NYAP2: variants seen among roughly 807,000 people sequenced by gnomAD.
The protein encoded by NYAP2 is neuronal tyrosine-phosphorylated phosphoinositide-3-kinase adaptor 2.
In NYAP2, 23 loss-of-function variants were observed where a neutral mutation model predicts 50.4. The observed-to-expected ratio is 0.46, with a 90% CI of 0.33 to 0.65. NYAP2 has a LOEUF of 0.65. NYAP2 is among the 30% of genes least tolerant of loss of function. The probability of loss-of-function intolerance (pLI) is 0.02; values close to 1 mark genes in which losing one functional copy is unlikely to be tolerated. For synonymous variants in NYAP2, 394 were observed against 365.2 expected, an observed-to-expected ratio of 1.08 and a Z score of -0.90; for missense variants, 885 against 861.0, an observed-to-expected ratio of 1.03 and a Z score of -0.35.
intron 4 of NYAP2, among the ~76,000 whole-genome samples, chr2:225,545,440 T>C (rs989508583): frequency 6.6e-6 from 1 of 152,072 alleles, no homozygotes; most frequent in Non-Finnish European, 1.5e-5. Flanking sequence ...AGCTCACTAA[T>C]TCTTCTGCTT....
At chr2:225,672,474 C>T in the NYAP2 span, among the ~76,000 whole-genome samples, 1 of 152,226 alleles carries the variant, frequency 6.6e-6, no homozygotes, top group Admixed American at 6.5e-5. Flanking sequence ...ATCTTCTACC[C>T]ACACCACTAA....
chr2:225,437,831 T>C (rs148432978), intron 3 of NYAP2, among the ~76,000 whole-genome samples: 263 of 152,328 alleles, frequency 1.7e-3, no homozygotes, highest in African/African-American at 5.9e-3. Flanking sequence ...CCCATCTGAC[T>C]CCATAGTTCA....
At chr2:225,417,053 T>A (rs1216128455) in intron 3 of NYAP2, among the ~76,000 whole-genome samples, 1 of 152,182 alleles carries the variant, frequency 6.6e-6, no homozygotes, top group Non-Finnish European at 1.5e-5. Context: ...TGAGGTCTAT[T>A]TTTTATATTC....
chr2:225,527,311 C>T (rs145878586), intron 4 of NYAP2, among the ~76,000 whole-genome samples: 8 of 152,190 alleles, frequency 5.3e-5, no homozygotes, highest in South Asian at 4.2e-4. Flanking sequence ...TGCTGTGTAA[C>T]GAACTACCAC....
intron 3 of NYAP2, among the ~76,000 whole-genome samples, chr2:225,420,760 G>T (rs1228025322): frequency 1.3e-5 from 2 of 150,358 alleles, no homozygotes; most frequent in East Asian, 4.0e-4. Context: ...ACATATGTTT[G>T]CCACCATACC....
At chr2:225,419,465 C>A (rs1054767439) in intron 3 of NYAP2, among the ~76,000 whole-genome samples, 1 of 152,146 alleles carries the variant, frequency 6.6e-6, no homozygotes, top group African/African-American at 2.4e-5. Flanking sequence ...TGAAACGGAA[C>A]ATAGTAGTGG....
At chr2:225,458,372 A>G (rs1689772560) in intron 3 of NYAP2, among the ~76,000 whole-genome samples, 1 of 152,192 alleles carries the variant, frequency 6.6e-6, no homozygotes, top group African/African-American at 2.4e-5. Context: ...TTTAGTTTTA[A>G]TATTTCAAAA....
At chr2:225,523,139 T>C (rs1691096274) in intron 4 of NYAP2, among the ~76,000 whole-genome samples, 1 of 152,090 alleles carries the variant, frequency 6.6e-6, no homozygotes, top group African/African-American at 2.4e-5. Context: ...TGATTTTGCT[T>C]TCTCAGTTCC....
chr2:225,620,479 GCACGCACGCACACA>G lies in NYAP2; in HGVS notation c.1619-6420_1619-6407del, dbSNP rs1419600926. Reference sequence around the variant, plus strand: ...CACACACGCGCATGCACACGCACACGCACGCACGCACACACACGCACGCACACACACATGAAAAA... The same window carrying G: ...CACACACGCGCATGCACACGCACACGCACGCACGCACACACACATGAAAAA... On this transcript the variant is annotated intron_variant, in intron 5 of 6. Coordinates refer to ENST00000636099, the Ensembl canonical transcript of NYAP2. Among the ~76,000 whole-genome samples the G allele has an allele frequency of 2.8e-4, 40 of 144,138 alleles. No homozygotes were observed. The Middle Eastern group carries it at 0.011, about 40-fold the overall frequency. The allele number at this position is 144,138 out of a possible 152,430, so 94.6% of individuals were successfully genotyped here.
chr2:225,462,211 T>A (rs1189890872), intron 3 of NYAP2, among the ~76,000 whole-genome samples: 1 of 152,198 alleles, frequency 6.6e-6, no homozygotes, highest in Non-Finnish European at 1.5e-5. Context: ...CTGTAAATAT[T>A]TCTAAATCAA....
At position 225,525,889 on chromosome 2, in the gene NYAP2, T is replaced by C. The variant is rs571073846; in HGVS notation, c.523+12217T>C. 2.0e-5 allele frequency among the ~76,000 whole-genome samples: 3 copies of C among 152,324 alleles called. No individual in the cohort carries two copies. In the East Asian group the frequency reaches 5.8e-4, roughly 29 times the overall value. Reference sequence around the variant, plus strand: ...TGCTGTACTACTTCTGTATCATCTTTGGACCTGAGGCACAGTTGCTGGCTT... The same window carrying C: ...TGCTGTACTACTTCTGTATCATCTTCGGACCTGAGGCACAGTTGCTGGCTT... On this transcript the variant is annotated intron_variant, in intron 4 of 6. Transcript: ENST00000636099.
chr2:225,581,912 C>T (rs1342056821), intron 4 of NYAP2, 29 bp from the exon 5 acceptor site: 2 of 1,571,954 alleles, frequency 1.3e-6, no homozygotes, highest in Admixed American at 1.8e-5. Context: ...TTATACTCAT[C>T]TATTCCACTA....
chr2:225,507,291 T>C (rs1690724014), intron 3 of NYAP2, among the ~76,000 whole-genome samples: 1 of 152,172 alleles, frequency 6.6e-6, no homozygotes, highest in South Asian at 2.1e-4. Flanking sequence ...AACACCCCTG[T>C]CACTTTTGAA....
At chr2:225,657,182 C>T (rs532023820), downstream of NYAP2, among the ~76,000 whole-genome samples, 82 of 143,414 alleles carry the variant, frequency 5.7e-4, no homozygotes, top group African/African-American at 2.1e-3. Flanking sequence ...GCGATCTCAG[C>T]TTATTGCAAC....
chr2:225,526,711 G>C (rs1256621679), intron 4 of NYAP2, among the ~76,000 whole-genome samples: 1 of 152,166 alleles, frequency 6.6e-6, no homozygotes, highest in Non-Finnish European at 1.5e-5. Context: ...CCCCCTAGAA[G>C]TGCTCAAAAC....
At chr2:225,505,456 A>G (rs981694221) in intron 3 of NYAP2, among the ~76,000 whole-genome samples, 5 of 152,198 alleles carry the variant, frequency 3.3e-5, no homozygotes, top group African/African-American at 1.2e-4. Context: ...AATTTTACTG[A>G]AGCCAAGTTT....
In NYAP2 at chr2:225,492,578, A is replaced by G. The variant is rs568752367; in HGVS notation, c.222-20793A>G. Reference sequence around the variant, plus strand: ...TCTGTTCTTTCATTGATAGAGAAATACTGAAGTTGGGTAATTTATAAAGAA... The same window carrying G: ...TCTGTTCTTTCATTGATAGAGAAATGCTGAAGTTGGGTAATTTATAAAGAA... On this transcript the variant is annotated intron_variant, in intron 3 of 6. Coordinates refer to ENST00000636099, the Ensembl canonical transcript of NYAP2. Among the ~76,000 whole-genome samples the G allele has an allele frequency of 2.0e-5, 3 of 152,358 alleles. No individual in the cohort carries two copies. The East Asian group carries it at 5.8e-4, about 29-fold the overall frequency.
chr2:225,463,926 A>T lies in NYAP2; in HGVS notation c.222-49445A>T, dbSNP rs1689875365. On this transcript the variant is annotated intron_variant, in intron 3 of 6. Transcript: ENST00000636099. ...CCCTCTGGAGCTACAGAAGTGTGGG[A>T]TCCTTAGAGCAGTTGTAGAGATTAC... 2.0e-5 allele frequency among the ~76,000 whole-genome samples: 3 copies of T among 152,186 alleles called. No homozygotes were observed. In the South Asian group the frequency reaches 6.2e-4, roughly 32 times the overall value.
intron 3 of NYAP2, among the ~76,000 whole-genome samples, chr2:225,413,186 G>T (rs1695074787): frequency 6.6e-6 from 1 of 152,114 alleles, no homozygotes; most frequent in Admixed American, 6.6e-5. Flanking sequence ...TCTAGTTGTT[G>T]AGATTTCTCA....
Sources: gnomAD v4.1 joint callset for allele counts (sites outside exome capture counted in the v4.1 genomes callset) on GRCh38, gnomAD v4.1.1 for gene constraint, MANE v1.5 for transcripts, NCBI Gene and HGNC (gene_info 2026-07-23, HGNC 2026-07-21) for gene names.